SET: variants seen among roughly 807,000 people sequenced by gnomAD.
SET encodes the protein protein SET.
A neutral mutation model predicts 39.0 loss-of-function variants in SET; 4 were observed. The ratio of observed to expected loss-of-function variants is 0.10; its 90% CI spans 0.05 to 0.23. SET has a LOEUF of 0.23. Among genes scored for constraint, SET ranks in the 10% least tolerant of loss-of-function variants. The probability of loss-of-function intolerance (pLI) is 1.00; values close to 1 mark genes in which losing one functional copy is unlikely to be tolerated. For missense variants in SET, 137 were observed against 329.7 expected (o/e 0.42, Z 4.53); for synonymous variants, 114 against 115.9 (o/e 0.98, Z 0.11).
At chr9:128,687,954 CGCCTGTAATCCCA>C (rs146067328), upstream of SET, among the ~76,000 whole-genome samples, 138 of 152,110 alleles carry the variant, frequency 9.1e-4, 1 homozygote, top group East Asian at 0.025. Context: ...CAGTGGCTCC[CGCCTGTAATCCCA>C]GCACTTTGGG....
Position 128,696,217 on chromosome 9 carries a change from A to G in SET, c.*1553A>G, listed in dbSNP as rs1861734352. 1 of 206,712 alleles carries G rather than the reference A, an allele frequency of 4.8e-6. No homozygotes were observed. The highest frequency in any genetic ancestry group is 5.9e-5 in the Admixed American group (1 of 17,084). The allele number at this position is 206,712 out of a possible 1,614,324, so 12.8% of individuals were successfully genotyped here. ...ATTAATGGACAGTCTGGTGAACTTC[A>G]AAAGCTTTTTGATGTATAAAACTTG... On this transcript the variant is annotated 3_prime_UTR_variant, in exon 8 of 8. Coordinates refer to ENST00000322030, the MANE Select transcript of SET (RefSeq NM_003011.4).
In SET at chr9:128,695,924, A is replaced by T. The variant is rs911401507; in HGVS notation, c.*1260A>T. 1 of 227,144 alleles carries T rather than the reference A, an allele frequency of 4.4e-6. No homozygotes were observed. The highest frequency in any genetic ancestry group is 2.2e-5 in the African/African-American group (1 of 45,148). The allele number at this position is 227,144 out of a possible 1,614,324, so 14.1% of individuals were successfully genotyped here. On this transcript the variant is annotated 3_prime_UTR_variant, in exon 8 of 8. Transcript: ENST00000322030. Reference sequence around the variant, plus strand: ...AGACCTGGTGCTCTAATGCCAAGTTATACACGGGACAGTTGCTGGCATGTC... The same window carrying T: ...AGACCTGGTGCTCTAATGCCAAGTTTTACACGGGACAGTTGCTGGCATGTC...
intron 1 of SET, chr9:128,690,796 T>G: frequency 4.6e-6 from 1 of 218,730 alleles, no homozygotes; most frequent in South Asian, 5.9e-5. Context: ...AGTTTCCATA[T>G]TCTAGTTAGC....
At chr9:128,684,744 A>G (rs1346398716), upstream of SET, among the ~76,000 whole-genome samples, 2 of 151,298 alleles carry the variant, frequency 1.3e-5, no homozygotes, top group Non-Finnish European at 2.9e-5. Context: ...TTACCTGTGC[A>G]CCACCTCCAG....
In SET at chr9:128,693,973, T is replaced by C. The variant is rs1259693117; in HGVS notation, c.741T>C (p.Asp247=). 3 of 1,553,052 alleles carry C rather than the reference T, an allele frequency of 1.9e-6. No homozygotes were observed. Among genetic ancestry groups the C allele is most frequent in the Non-Finnish European group, 2.7e-6 (3 of 1,126,722 alleles). Reference sequence around the variant, plus strand: ...ATGAAGAGGAGGAAGGATTAGAAGATATTGACGAAGAAGGGGATGAGGATG... The same window carrying C: ...ATGAAGAGGAGGAAGGATTAGAAGACATTGACGAAGAAGGGGATGAGGATG... The part of the protein sequence containing the change: ...DDDEEEEGLE[D]IDEEGDEDEG... The change falls in exon 7 of 8, where the codon GAT becomes GAC. Residue 247 remains aspartate, a synonymous_variant. Coordinates refer to ENST00000322030, the MANE Select transcript of SET (RefSeq NM_003011.4).
Position 128,691,764 on chromosome 9 carries a change from C to T in SET, c.132-94C>T, listed in dbSNP as rs1384532118. 11 of 1,257,592 alleles carry T rather than the reference C, an allele frequency of 8.7e-6. 1 individual carries two copies. In the South Asian group the frequency reaches 1.1e-4, roughly 12 times the overall value. 77.9% of individuals were successfully genotyped at this position (1,257,592 alleles called of 1,614,324 possible). On this transcript the variant is annotated intron_variant, in intron 2 of 7. Coordinates refer to ENST00000322030, the MANE Select transcript of SET (RefSeq NM_003011.4). ...ATTATAATTTGGTTATTTTGCATGA[C>T]TCAAGCTAGTAAGTAAATACACTCT...
rs145251942 is a variant in SET, at chr9:128,693,934, A to T, written c.702A>T (p.Glu234Asp). 7.2e-4 allele frequency: 1,130 copies of T among 1,575,894 alleles called. 1 individual carries two copies. Among genetic ancestry groups the T allele is most frequent in the African/African-American group, 2.3e-3 (173 of 74,070 alleles). The stretch of plus-strand genomic sequence containing the variant: ...ATGATGAAGAAGGAGAAGGAGAAGA[A>T]GATGATGATGATGATGAAGAGGAGG... ...DMDDEEGEGE[E>D]DDDDDEEEEG... is the part of the protein sequence containing the mutation. The change falls in exon 7 of 8, where the codon GAA becomes GAT. Residue 234 changes from glutamate (E) to aspartate (D), a missense_variant. Coordinates refer to ENST00000322030, the MANE Select transcript of SET (RefSeq NM_003011.4).
chr9:128,687,730 T>G (rs1861337571), upstream of SET, among the ~76,000 whole-genome samples: 1 of 152,234 alleles, frequency 6.6e-6, no homozygotes, highest in South Asian at 2.1e-4. Flanking sequence ...GGTATTTTTT[T>G]GTTTTTGTTT....
At position 128,693,694 on chromosome 9, in the gene SET, T is replaced by C. The variant is rs1861625208; in HGVS notation, c.549T>C (p.His183=). Residue 183 remains histidine (H), a synonymous_variant, in exon 6 of 8, where the codon CAT becomes CAC. Transcript: ENST00000322030. ...ATAAAGCCAGCAGGAAGAGGCAGCATGAGGAACCAGAGAGCTTCTTTACCT... is the reference window on the plus strand; with the variant it reads ...ATAAAGCCAGCAGGAAGAGGCAGCACGAGGAACCAGAGAGCTTCTTTACCT... ...TQNKASRKRQ[H]EEPESFFTWF... is the part of the protein sequence containing the mutation. 6.2e-7 allele frequency: 1 copy of C among 1,613,720 alleles called. No homozygotes were observed. The highest frequency in any genetic ancestry group is 8.5e-7 in the Non-Finnish European group (1 of 1,180,008).
Position 128,695,075 on chromosome 9 carries a change from A to C in SET, c.*411A>C, listed in dbSNP as rs927900859. 1 of 230,586 alleles carries C rather than the reference A, an allele frequency of 4.3e-6. No individual in the cohort carries two copies. The highest frequency in any genetic ancestry group is 2.2e-5 in the African/African-American group (1 of 45,244). 14.3% of individuals were successfully genotyped at this position (230,586 alleles called of 1,614,324 possible). ...TCTGTATATTGGGCTCAGAGAGTAC[A>C]CTGTGTCTCTATGTGAATATGGACA... On this transcript the variant is annotated 3_prime_UTR_variant, in exon 8 of 8. Transcript: ENST00000322030.
intron 3 of SET, chr9:128,692,380 CAA>C (rs775955646): frequency 6.2e-4 from 108 of 174,900 alleles, no homozygotes; most frequent in Non-Finnish European, 9.0e-4. Flanking sequence ...GCCTGGGCGA[CAA>C]GAGTGAGACT....
intron 1 of SET, chr9:128,689,950 C>T (rs771011690): frequency 7.2e-6 from 4 of 554,474 alleles, no homozygotes; most frequent in South Asian, 1.3e-4. Context: ...CTCCCCCTCC[C>T]TCCCTCCCGA....
At position 128,692,773 on chromosome 9, in the gene SET, T is replaced by C. The variant is rs1861594701; in HGVS notation, c.378+8T>C. 1 of 1,576,982 alleles carries C rather than the reference T, an allele frequency of 6.3e-7. No individual in the cohort carries two copies. Among genetic ancestry groups the C allele is most frequent in the African/African-American group, 1.3e-5 (1 of 74,262 alleles). On this transcript the variant is annotated splice_region_variant and intron_variant, in intron 4 of 7. Transcript: ENST00000322030. ...GGTTACAGAATAGATTTTGTAAGTA[T>C]CTCTAACTTAATCTTGTTTGCCACT... is the stretch of plus-strand genomic sequence containing the variant.
rs1168200235 is a variant in SET, at chr9:128,692,963, C to G, written c.474C>G (p.Ile158Met). 2 of 1,593,518 alleles carry G rather than the reference C, an allele frequency of 1.3e-6. No individual in the cohort carries two copies. Among genetic ancestry groups the G allele is most frequent in the African/African-American group, 1.3e-5 (1 of 74,438 alleles). ...SGDPSSKSTE[I>M]KWKSGKDLTK... ...ATCCATCTTCGAAGTCCACCGAAAT[C>G]AAATGGAAATCTGGAAAGGTATGTT... Residue 158 changes from isoleucine (I) to methionine (M), a missense_variant, in exon 5 of 8, where the codon ATC becomes ATG. Physicochemically the swap from Ile to Met is conservative, Grantham distance 10. This residue lies in a region of SET where 59 missense variants were observed against 237.2 expected (regional missense o/e 0.25). Transcript: ENST00000322030.
At chr9:128,693,251 T>C (rs1246237504) in intron 5 of SET, among the ~76,000 whole-genome samples, 1 of 151,960 alleles carries the variant, frequency 6.6e-6, no homozygotes, top group Non-Finnish European at 1.5e-5. Context: ...AAGAGAAAAA[T>C]CTAGCCCAAG....
chr9:128,684,992 G>A, upstream of SET: 32 of 1,437,070 alleles, frequency 2.2e-5, no homozygotes, highest in Non-Finnish European at 2.9e-5. Context: ...GGAGGGTTGT[G>A]GTGGAGCCTT....
At chr9:128,685,175 G>A (rs1861242397), upstream of SET, 1 of 1,597,566 alleles carries the variant, frequency 6.3e-7, no homozygotes, top group Non-Finnish European at 8.5e-7. Context: ...CACATGGGAT[G>A]CAGAGACCTC....
At position 128,689,270 on chromosome 9, in the gene SET, C is replaced by T. The variant is rs921820582; in HGVS notation, c.-313C>T. On this transcript the variant is annotated 5_prime_UTR_variant, in exon 1 of 8. Coordinates refer to ENST00000322030, the MANE Select transcript of SET (RefSeq NM_003011.4). Reference sequence around the variant, plus strand: ...GGAGGAGGCGGCTCGGGAGAGCGAGCAGCGAGCTGGCTGGATCGCCGAGCG... The same window carrying T: ...GGAGGAGGCGGCTCGGGAGAGCGAGTAGCGAGCTGGCTGGATCGCCGAGCG... The T allele has an allele frequency of 5.0e-6, 5 of 1,009,634 alleles. No homozygotes were observed. Among genetic ancestry groups the T allele is most frequent in the Admixed American group, 6.0e-5 (1 of 16,754 alleles). 62.5% of individuals were successfully genotyped at this position (1,009,634 alleles called of 1,614,324 possible).
chr9:128,690,126 C>G, intron 1 of SET: 1 of 240,426 alleles, frequency 4.2e-6, no homozygotes, highest in South Asian at 1.5e-4. Flanking sequence ...AGGCTGGCCC[C>G]GGCGGGGCTT....
Sources: gnomAD v4.1 joint callset for allele counts (sites outside exome capture counted in the v4.1 genomes callset) on GRCh38, gnomAD v4.1.1 for gene constraint, gnomAD v4.1.1 regional missense constraint, MANE v1.5 for transcripts, NCBI Gene and HGNC (gene_info 2026-07-23, HGNC 2026-07-21) for gene names.